BTF3L4: variants seen among roughly 807,000 people sequenced by gnomAD.
BTF3L4 encodes the protein basic transcription factor 3 like 4, also known as transcription factor BTF3 homolog 4.
BTF3L4 carries 6 observed loss-of-function variants against 16.8 expected under a neutral mutation model. The observed-to-expected ratio is 0.36, with a 90% CI of 0.20 to 0.71. BTF3L4 has a LOEUF of 0.71. Ranked by LOEUF, BTF3L4 falls within the 30% of genes least tolerant of loss-of-function variation. The pLI is 0.58. For missense variants in BTF3L4, 92 were observed against 186.9 expected, an observed-to-expected ratio of 0.49 and a Z score of 2.96; for synonymous variants, 39 against 59.8, an observed-to-expected ratio of 0.65 and a Z score of 1.60.
chr1:52,085,512 A>G (rs967308162), intron 4 of BTF3L4, among the ~76,000 whole-genome samples: 1 of 151,934 alleles, frequency 6.6e-6, no homozygotes, highest in Non-Finnish European at 1.5e-5. Flanking sequence ...GCCACTGTAA[A>G]GTCTTTTTAC....
chr1:52,062,446 C>T lies in BTF3L4; in HGVS notation c.55-2379C>T, dbSNP rs180840585. On this transcript the variant is annotated intron_variant, in intron 2 of 5. Transcript: ENST00000313334. ...CAAACTCCTGACCTTATGATCTGCC[C>T]GCCTCAGCCTCCCAAAGTGCTAGGA... Among the ~76,000 whole-genome samples the T allele has an allele frequency of 6.0e-3, 912 of 152,036 alleles. 12 individuals carry two copies. Among genetic ancestry groups the T allele is most frequent in the South Asian group, 0.043 (207 of 4,808 alleles).
chr1:52,057,917 A>G (rs1442527924), intron 1 of BTF3L4, among the ~76,000 whole-genome samples: 1 of 152,198 alleles, frequency 6.6e-6, no homozygotes, highest in Non-Finnish European at 1.5e-5. Flanking sequence ...ACAAGTCAAG[A>G]CTTTGTCTTG....
At chr1:52,062,176 C>T (rs1332100651) in intron 2 of BTF3L4, among the ~76,000 whole-genome samples, 1 of 149,848 alleles carries the variant, frequency 6.7e-6, no homozygotes, top group Admixed American at 6.7e-5. Flanking sequence ...ATCTCCTGAC[C>T]TCGTGATCGC....
At chr1:52,065,798 G>A (rs1464154559) in intron 3 of BTF3L4, among the ~76,000 whole-genome samples, 4 of 152,076 alleles carry the variant, frequency 2.6e-5, no homozygotes, top group Non-Finnish European at 5.9e-5. Flanking sequence ...AGCACTTTGA[G>A]AGGCCTAGGC....
Position 52,083,351 on chromosome 1 carries a change from T to G in BTF3L4, c.180T>G (p.Ile60Met). Residue 60 changes from isoleucine (I) to methionine (M), a missense_variant, in exon 4 of 6, where the codon ATT becomes ATG. By Grantham distance (10) the Ile-to-Met change is conservative. Coordinates refer to ENST00000313334, the MANE Select transcript of BTF3L4 (RefSeq NM_152265.5). ...NIAGIEEVNM[I>M]KDDGTVIHFN... ...CTGTGATCATACAGGTGAACATGAT[T>G]AAAGATGATGGGACAGTTATTCATT... 1.9e-6 allele frequency: 3 copies of G among 1,612,662 alleles called. No individual in the cohort carries two copies. The highest frequency in any genetic ancestry group is 1.1e-5 in the South Asian group (1 of 91,036).
chr1:52,059,913 A>G lies in BTF3L4; in HGVS notation c.54+12A>G, dbSNP rs768164012. On this transcript the variant is annotated intron_variant, in intron 2 of 5. Transcript: ENST00000313334. The stretch of plus-strand genomic sequence containing the variant: ...GGATAGGGGGCAAGGTGAGTGTGGC[A>G]TAAGAAAAATTGATAGGAGAATGTA... 1 of 1,606,904 alleles carries G rather than the reference A, an allele frequency of 6.2e-7. No individual in the cohort carries two copies. The highest frequency in any genetic ancestry group is 8.5e-7 in the Non-Finnish European group (1 of 1,176,338).
At position 52,059,489 on chromosome 1, in the gene BTF3L4, A is replaced by G. The variant is rs186161099; in HGVS notation, c.-13-346A>G. Among the ~76,000 whole-genome samples the G allele has an allele frequency of 1.9e-3, 297 of 152,328 alleles. 6 individuals carry two copies. The highest frequency in any genetic ancestry group is 0.017 in the Admixed American group (259 of 15,304). Reference sequence around the variant, plus strand: ...GCTGTAAAAATCTTTGGGGGAAAAAAACTGGCTTGCCTACAGAGATTTCAT... The same window carrying G: ...GCTGTAAAAATCTTTGGGGGAAAAAGACTGGCTTGCCTACAGAGATTTCAT... On this transcript the variant is annotated intron_variant, in intron 1 of 5. Transcript: ENST00000313334.
At position 52,090,099 on chromosome 1, in the gene BTF3L4, TGCGGTGC is replaced by T. The variant is rs1216428383; in HGVS notation, c.*3342_*3348del. The T allele has an allele frequency of 2.0e-5, 3 of 152,346 alleles. No homozygotes were observed. Among genetic ancestry groups the T allele is most frequent in the African/African-American group, 7.2e-5 (3 of 41,574 alleles). 9.4% of individuals were successfully genotyped at this position (152,346 alleles called of 1,614,324 possible). On this transcript the variant is annotated 3_prime_UTR_variant, in exon 6 of 6. Transcript: ENST00000313334. The stretch of plus-strand genomic sequence containing the variant: ...ATTGTAACCTTTCTGACAGGGCTGC[TGCGGTGC>T]ACAACTTCGGGAGCCATCACTTATT...
At chr1:52,082,513 TC>T (rs1251763101) in intron 3 of BTF3L4, among the ~76,000 whole-genome samples, 1 of 152,080 alleles carries the variant, frequency 6.6e-6, no homozygotes, top group African/African-American at 2.4e-5. Flanking sequence ...GGTGGGCAGA[TC>T]ACCTGAGGTC....
chr1:52,089,926 T>C lies in BTF3L4; in HGVS notation c.*3168T>C, dbSNP rs1366468590. The C allele has an allele frequency of 6.6e-6, 1 of 152,184 alleles. No homozygotes were observed. Among genetic ancestry groups the C allele is most frequent in the Non-Finnish European group, 1.5e-5 (1 of 68,032 alleles). 9.4% of individuals were successfully genotyped at this position (152,184 alleles called of 1,614,324 possible). On this transcript the variant is annotated 3_prime_UTR_variant, in exon 6 of 6. Transcript: ENST00000313334. Reference sequence around the variant, plus strand: ...TTATGAAAAACCCATATCTGCGATATGTTTGATTTGTTTCTTTGTTTTAAT... The same window carrying C: ...TTATGAAAAACCCATATCTGCGATACGTTTGATTTGTTTCTTTGTTTTAAT...
chr1:52,079,839 T>G (rs1643899783), intron 3 of BTF3L4, among the ~76,000 whole-genome samples: 1 of 151,478 alleles, frequency 6.6e-6, no homozygotes, highest in African/African-American at 2.4e-5. Context: ...CAAGCTCTCA[T>G]GAGGCCATGG....
intron 5 of BTF3L4, 58 bp downstream of exon 5, chr1:52,086,229 C>A: frequency 7.8e-7 from 1 of 1,289,314 alleles, no homozygotes; most frequent in South Asian, 1.3e-5. Context: ...TCCTTTCAGT[C>A]ATTGCATAGA....
chr1:52,088,913 A>ATTTTTTTTTTTTT lies in BTF3L4; in HGVS notation c.*2161_*2173dup, dbSNP rs3991108. 1.0e-4 allele frequency: 13 copies of ATTTTTTTTTTTTT among 128,644 alleles called. No individual in the cohort carries two copies. The highest frequency in any genetic ancestry group is 3.8e-4 in the African/African-American group (13 of 34,204). The allele number at this position is 128,644 out of a possible 1,614,324, so 8.0% of individuals were successfully genotyped here. ...TGTCTCAGCCTCCACAGTAGCTGGG[A>ATTTTTTTTTTTTT]TTTTTTTTTTTTTTTTTTGTATTTT... On this transcript the variant is annotated 3_prime_UTR_variant, in exon 6 of 6. Coordinates refer to ENST00000313334, the MANE Select transcript of BTF3L4 (RefSeq NM_152265.5).
rs1231091630 is a variant in BTF3L4, at chr1:52,090,293, A to G, written c.*3535A>G. On this transcript the variant is annotated 3_prime_UTR_variant, in exon 6 of 6. Coordinates refer to ENST00000313334, the MANE Select transcript of BTF3L4 (RefSeq NM_152265.5). ...TAGAATCCCCTAAATTATTAAGGTG[A>G]AGGTAGAAGATGATTAAAGCGTGTT... The G allele has an allele frequency of 6.6e-6, 1 of 152,166 alleles. No homozygotes were observed. The highest frequency in any genetic ancestry group is 1.5e-5 in the Non-Finnish European group (1 of 68,028). The allele number at this position is 152,166 out of a possible 1,614,324, so 9.4% of individuals were successfully genotyped here. A position where few individuals can be genotyped will look rare whatever the true frequency, so the allele number is the denominator to read the frequency against.
At chr1:52,082,284 T>C (rs1643931510) in intron 3 of BTF3L4, among the ~76,000 whole-genome samples, 2 of 152,198 alleles carry the variant, frequency 1.3e-5, no homozygotes, top group Admixed American at 6.5e-5. Flanking sequence ...AAATCTGAAA[T>C]AGTTCATATT....
At position 52,059,889 on chromosome 1, in the gene BTF3L4, G is replaced by C; in HGVS notation, c.42G>C (p.Arg14=). The change falls in exon 2 of 6, where the codon CGG becomes CGC. Residue 14 remains arginine, a synonymous_variant. Transcript: ENST00000313334. Reference sequence around the variant, plus strand: ...TAGCCAAACTTCAGGCTCAGGTCCGGATAGGGGGCAAGGTGAGTGTGGCAT... The same window carrying C: ...TAGCCAAACTTCAGGCTCAGGTCCGCATAGGGGGCAAGGTGAGTGTGGCAT... ...EKLAKLQAQV[R]IGGKGTARRK... 1 of 1,612,716 alleles carries C rather than the reference G, an allele frequency of 6.2e-7. No individual in the cohort carries two copies. Among genetic ancestry groups the C allele is most frequent in the African/African-American group, 1.3e-5 (1 of 74,992 alleles).
At position 52,060,459 on chromosome 1, in the gene BTF3L4, A is replaced by G. The variant is rs923096444; in HGVS notation, c.54+558A>G. The G allele has an allele frequency of 5.5e-6, 7 of 1,272,094 alleles. No individual in the cohort carries two copies. In the African/African-American group the frequency reaches 6.1e-5, roughly 11 times the overall value. The allele number at this position is 1,272,094 out of a possible 1,614,324, so 78.8% of individuals were successfully genotyped here. ...CTCACAAATTCTTACCTGTTCTTCC[A>G]TGTTGGTGAATATGAATATCAGCTT... On this transcript the variant is annotated intron_variant, in intron 2 of 5. Transcript: ENST00000313334.
intron 3 of BTF3L4, among the ~76,000 whole-genome samples, chr1:52,082,140 C>A (rs1167186187): frequency 1.3e-5 from 2 of 152,144 alleles, no homozygotes; most frequent in Non-Finnish European, 2.9e-5. Flanking sequence ...TCACGTTATT[C>A]ACACATTTAA....
chr1:52,060,382 T>G (rs1686479467), intron 2 of BTF3L4: 1 of 1,005,502 alleles, frequency 9.9e-7, no homozygotes, highest in Non-Finnish European at 1.3e-6. Flanking sequence ...GTACAGAGGT[T>G]TAGCTGGAGA....
Sources: allele counts gnomAD v4.1 joint callset (sites outside exome capture counted in the v4.1 genomes callset), GRCh38; gene constraint gnomAD v4.1.1; transcripts MANE v1.5; gene names NCBI Gene and HGNC (gene_info 2026-07-23, HGNC 2026-07-21).